CYFIP2: variants seen among roughly 807,000 people sequenced by gnomAD.
The protein encoded by CYFIP2 is cytoplasmic FMR1-interacting protein 2.
Under a neutral mutation model 158.7 loss-of-function variants are expected in CYFIP2, and 29 were observed. The observed-to-expected ratio is 0.18, with a 90% confidence interval of 0.14 to 0.25. The LOEUF is 0.25. Among genes scored for constraint, CYFIP2 ranks in the 10% least tolerant of loss-of-function variants. The pLI, the probability that CYFIP2 is intolerant of heterozygous loss-of-function variation, is 1.00. For missense variants in CYFIP2, 852 were observed against 1,639.5 expected (o/e 0.52, Z 8.29); for synonymous variants, 585 against 617.6 (o/e 0.95, Z 0.78).
intron 3 of CYFIP2, among the ~76,000 whole-genome samples, chr5:157,292,919 T>A (rs1299992339): frequency 1.3e-5 from 2 of 152,168 alleles, no homozygotes; most frequent in Non-Finnish European, 2.9e-5. Context: ...ATTATCATGA[T>A]TTAACAGATG....
At chr5:157,356,146 T>C (rs902878849) in intron 23 of CYFIP2, among the ~76,000 whole-genome samples, 1 of 152,224 alleles carries the variant, frequency 6.6e-6, no homozygotes, top group Non-Finnish European at 1.5e-5. Context: ...CTCACAGTTC[T>C]AGAGGTTGAG....
intron 26 of CYFIP2, chr5:157,377,073 A>G (rs936705940): frequency 4.2e-5 from 13 of 307,226 alleles, no homozygotes; most frequent in African/African-American, 6.8e-5. Context: ...ACTTCCTTCT[A>G]TCTCCTTTGC....
In CYFIP2 at chr5:157,330,744, T is replaced by C. The variant is rs762775564; in HGVS notation, c.2159T>C (p.Val720Ala). The change falls in exon 20 of 31, where the codon GTC becomes GCC. Residue 720 changes from valine (V) to alanine (A), a missense_variant and splice_region_variant. By Grantham distance (64) the Val-to-Ala change is moderately conservative (BLOSUM62 0). Coordinates refer to ENST00000620254, the MANE Select transcript of CYFIP2 (RefSeq NM_001037333.3). Reference sequence around the variant, plus strand: ...TGTTTCACTTTTATTCCTTGCAGTGTCCTGTTGGATAAACGTTTTCGAGCT... The same window carrying C: ...TGTTTCACTTTTATTCCTTGCAGTGCCCTGTTGGATAAACGTTTTCGAGCT... ...FAYYKAMAGSVLLDKRFRAEC... is the reference protein window; with the variant it reads ...FAYYKAMAGSALLDKRFRAEC... The C allele has an allele frequency of 1.9e-6, 3 of 1,613,622 alleles. No homozygotes were observed. The highest frequency in any genetic ancestry group is 1.3e-5 in the African/African-American group (1 of 74,922).
At chr5:157,380,900 GAAAC>G (rs1312721723) in intron 26 of CYFIP2, among the ~76,000 whole-genome samples, 1 of 152,128 alleles carries the variant, frequency 6.6e-6, no homozygotes, top group African/African-American at 2.4e-5. Flanking sequence ...AGAAAGGAAA[GAAAC>G]AAACACCTCA....
At position 157,311,139 on chromosome 5, in the gene CYFIP2, A is replaced by G; in HGVS notation, c.993-525A>G. The G allele has an allele frequency of 2.2e-6, 1 of 453,752 alleles. No homozygotes were observed. Among genetic ancestry groups the G allele is most frequent in the African/African-American group, 2.0e-5 (1 of 50,130 alleles). The allele number at this position is 453,752 out of a possible 1,614,324, so 28.1% of individuals were successfully genotyped here. A position where few individuals can be genotyped will look rare whatever the true frequency, so the allele number is the denominator to read the frequency against. ...GAGGGAGGGGCCACCCCCACGTCTC[A>G]GAGTGGCCCTGGCTTCTCCCACCAC... On this transcript the variant is annotated intron_variant, in intron 10 of 30. Transcript: ENST00000620254. This position sits in a 1 kb window ranked among gnomAD's most constrained non-coding sequence, Gnocchi z 4.7.
At position 157,367,682 on chromosome 5, in the gene CYFIP2, T is replaced by G. The variant is rs996771622; in HGVS notation, c.3039+6084T>G. 2.0e-5 allele frequency among the ~76,000 whole-genome samples: 3 copies of G among 152,114 alleles called. 1 individual carries two copies. The highest frequency in any genetic ancestry group is 4.4e-5 in the Non-Finnish European group (3 of 68,018). The stretch of plus-strand genomic sequence containing the variant: ...TATTACATAATTGAAATAAATTCAT[T>G]GATTGAAAACTCAGAGAAGCAGAAA... On this transcript the variant is annotated intron_variant, in intron 26 of 30. Transcript: ENST00000620254.
chr5:157,338,362 C>T (rs1021280661), intron 21 of CYFIP2, among the ~76,000 whole-genome samples: 45 of 152,222 alleles, frequency 3.0e-4, no homozygotes, highest in Admixed American at 2.9e-3. Flanking sequence ...GGCCTACACT[C>T]CAAAGGATGA....
intron 18 of CYFIP2, 88 bp downstream of exon 18, chr5:157,326,355 G>C: frequency 9.1e-7 from 1 of 1,104,648 alleles, no homozygotes; most frequent in Non-Finnish European, 1.4e-6. Flanking sequence ...TGAAGTAGGA[G>C]TATCAGTGAC....
chr5:157,333,399 G>A lies in CYFIP2; in HGVS notation c.2338G>A (p.Asp780Asn). The A allele has an allele frequency of 6.2e-7, 1 of 1,613,930 alleles. No individual in the cohort carries two copies. The highest frequency in any genetic ancestry group is 8.5e-7 in the Non-Finnish European group (1 of 1,179,870). Reference sequence around the variant, plus strand: ...CTCTGCCGCCATGTATAAATCCTTGGACCAAGCTATCAGCCGCTTTGAGAG... The same window carrying A: ...CTCTGCCGCCATGTATAAATCCTTGAACCAAGCTATCAGCCGCTTTGAGAG... Reference protein sequence around the residue: ...RISAAMYKSLDQAISRFESED... With the variant: ...RISAAMYKSLNQAISRFESED... The change falls in exon 21 of 31, where the codon GAC (aspartate) becomes AAC (asparagine). Residue 780 changes from aspartate (D) to asparagine (N), a missense_variant. Physicochemically the swap from Asp to Asn is conservative, Grantham distance 23. Coordinates refer to ENST00000620254, the MANE Select transcript of CYFIP2 (RefSeq NM_001037333.3).
intron 20 of CYFIP2, 88 bp from the exon 21 acceptor site, chr5:157,333,239 C>T (rs1473348504): frequency 3.9e-6 from 6 of 1,554,784 alleles, no homozygotes; most frequent in East Asian, 4.5e-5. Flanking sequence ...CCACCTTGGT[C>T]CCCCAAAGTG....
Position 157,311,809 on chromosome 5 carries a change from G to C in CYFIP2, c.1110+28G>C. ...GAGCATGCAGGCTGCTGGGGCACAG[G>C]CCCGTGGGCCCAGGGCCAGAAGGGG... On this transcript the variant is annotated intron_variant, in intron 11 of 30. Transcript: ENST00000620254. This position sits in a 1 kb window ranked among gnomAD's most constrained non-coding sequence, Gnocchi z 4.7. 2 of 1,564,926 alleles carry C rather than the reference G, an allele frequency of 1.3e-6. No individual in the cohort carries two copies. The highest frequency in any genetic ancestry group is 1.7e-6 in the Non-Finnish European group (2 of 1,152,968).
rs1759043243 is a variant in CYFIP2, at chr5:157,304,421, T to G, written c.795+55T>G. 5 of 1,541,772 alleles carry G rather than the reference T, an allele frequency of 3.2e-6. No individual in the cohort carries two copies. The African/African-American group carries it at 7.0e-5, about 21-fold the overall frequency. On this transcript the variant is annotated intron_variant, in intron 8 of 30. Coordinates refer to ENST00000620254, the MANE Select transcript of CYFIP2 (RefSeq NM_001037333.3). ...AGCCTGGGCTTACCCTCTCACCTTC[T>G]TCTTATTAAAAATCCGTTTTAAAAA...
At chr5:157,377,520 T>C (rs1231512876) in intron 26 of CYFIP2, among the ~76,000 whole-genome samples, 5 of 152,194 alleles carry the variant, frequency 3.3e-5, no homozygotes, top group African/African-American at 4.8e-5. Flanking sequence ...CATACCCCAA[T>C]TGTAGCACTT....
At chr5:157,390,469 T>C in intron 29 of CYFIP2, 52 bp from the exon 30 acceptor site, 36 of 542,916 alleles carry the variant, frequency 6.6e-5, no homozygotes, top group Non-Finnish European at 1.1e-4. Context: ...CCTCCCTCCC[T>C]GCCCTCCTCC....
chr5:157,385,917 T>A (rs1249063184), intron 28 of CYFIP2, among the ~76,000 whole-genome samples: 1 of 151,630 alleles, frequency 6.6e-6, no homozygotes, highest in Non-Finnish European at 1.5e-5. Flanking sequence ...CCGAGGGGAA[T>A]AGAAAAGAAA....
intron 28 of CYFIP2, among the ~76,000 whole-genome samples, chr5:157,387,894 C>T (rs972920337): frequency 6.6e-6 from 1 of 152,186 alleles, no homozygotes. Flanking sequence ...ATGACAACTA[C>T]ACTCATGGTC....
chr5:157,342,585 G>A (rs1171009947), intron 23 of CYFIP2: 2 of 358,678 alleles, frequency 5.6e-6, no homozygotes, highest in Non-Finnish European at 1.0e-5. Flanking sequence ...ACATATCCAT[G>A]TTTGTTTTAA....
At chr5:157,360,003 T>G (rs1763694680) in intron 24 of CYFIP2, among the ~76,000 whole-genome samples, 1 of 152,214 alleles carries the variant, frequency 6.6e-6, no homozygotes, top group Non-Finnish European at 1.5e-5. Context: ...CTGGCTCCAT[T>G]TCATTTTAGC....
At chr5:157,323,085 G>A (rs1410250832) in intron 15 of CYFIP2, 1 of 1,363,846 alleles carries the variant, frequency 7.3e-7, no homozygotes. Context: ...GGACTAGCCT[G>A]GCTCCTCAAG....
Sources: allele counts gnomAD v4.1 joint callset (sites outside exome capture counted in the v4.1 genomes callset), GRCh38; gene constraint gnomAD v4.1.1; non-coding constraint Gnocchi (gnomAD v3.1); transcripts MANE v1.5; gene names NCBI Gene and HGNC (gene_info 2026-07-23, HGNC 2026-07-21).